Variants in CHAT observed in about 807,000 individuals in gnomAD.
CHAT encodes choline O-acetyltransferase.
A neutral mutation model predicts 76.9 loss-of-function variants in CHAT; 61 were observed. The observed-to-expected ratio is 0.79, with a 90% CI of 0.65 to 0.98. CHAT has a LOEUF of 0.98. Ranked by LOEUF, CHAT falls within the 50% of genes least tolerant of loss-of-function variation. The probability of loss-of-function intolerance (pLI) is 0.00; values close to 1 mark genes in which losing one functional copy is unlikely to be tolerated. For missense variants in CHAT, 946 were observed against 986.9 expected (o/e 0.96, Z 0.56); for synonymous variants, 407 against 397.4 (o/e 1.02, Z -0.29).
intron 13 of CHAT, among the ~76,000 whole-genome samples, chr10:49,657,397 T>C (rs1237546940): frequency 6.6e-6 from 1 of 152,158 alleles, no homozygotes; most frequent in Non-Finnish European, 1.5e-5. Flanking sequence ...CCATTAAGTT[T>C]CAACACATGA....
intron 14 of CHAT, 84 bp from the exon 15 acceptor site, chr10:49,664,693 G>A: frequency 5.2e-6 from 8 of 1,542,686 alleles, no homozygotes; most frequent in Middle Eastern, 1.7e-4. Flanking sequence ...AAACCCCCAG[G>A]TGGAAAACAG....
chr10:49,648,598 T>C lies in CHAT; in HGVS notation c.1373T>C (p.Leu458Pro). The change falls in exon 9 of 15, where the codon CTC (leucine) becomes CCC (proline). Residue 458 changes from leucine to proline, a missense_variant. Around this residue, in one of 3 missense-constraint regions of CHAT, gnomAD observed 349 missense variants for 393.9 expected, o/e 0.89. Transcript: ENST00000337653. ...CTGGTGCAGTGCACTGAGCATCTGC[T>C]CAAGCACGTGTGAGTCTGGATCCCA... ...IVLVQCTEHL[L>P]KHVTQSSRKL... 6.2e-7 allele frequency: 1 copy of C among 1,611,710 alleles called. No individual in the cohort carries two copies. Among genetic ancestry groups the C allele is most frequent in the Non-Finnish European group, 8.5e-7 (1 of 1,178,188 alleles).
chr10:49,654,619 G>A (rs571843762), intron 11 of CHAT, among the ~76,000 whole-genome samples: 7 of 152,242 alleles, frequency 4.6e-5, no homozygotes, highest in Non-Finnish European at 1.0e-4. Context: ...AGCTGCCCCT[G>A]GAAGGGAGGG....
chr10:49,664,356 C>G (rs11101202), intron 14 of CHAT, among the ~76,000 whole-genome samples: 62,653 of 152,026 alleles, frequency 0.41, 13,326 homozygotes, highest in East Asian at 0.69. Flanking sequence ...GAAATCGACA[C>G]AGAGGATGGG....
At chr10:49,611,604 C>T (rs763409979), upstream of CHAT, 5 of 1,610,934 alleles carry the variant, frequency 3.1e-6, no homozygotes, top group Middle Eastern at 1.6e-4. Flanking sequence ...TCATGCTAGA[C>T]CCCTACATTG....
At chr10:49,620,192 C>A (rs183313066) in intron 3 of CHAT, among the ~76,000 whole-genome samples, 1 of 151,692 alleles carries the variant, frequency 6.6e-6, no homozygotes, top group African/African-American at 2.4e-5. Context: ...GGACAGAGAT[C>A]GCATTAGGAA....
chr10:49,611,437 G>T (rs1838292731), upstream of CHAT: 4 of 1,597,964 alleles, frequency 2.5e-6, no homozygotes, highest in South Asian at 3.3e-5. Flanking sequence ...GCCCTTCGGG[G>T]GCATCCTCTA....
intron 7 of CHAT, among the ~76,000 whole-genome samples, chr10:49,631,711 G>A (rs1721229690): frequency 6.6e-6 from 1 of 152,218 alleles, no homozygotes; most frequent in Non-Finnish European, 1.5e-5. Context: ...GACTTTAGAG[G>A]TGGTGGGCTC....
At chr10:49,644,445 C>T (rs1266133649) in intron 7 of CHAT, among the ~76,000 whole-genome samples, 1 of 152,162 alleles carries the variant, frequency 6.6e-6, no homozygotes, top group Non-Finnish European at 1.5e-5. Context: ...TTCCCCAGGG[C>T]CTGGGCTGGC....
At chr10:49,612,286 G>C, upstream of CHAT, 1 of 1,612,226 alleles carries the variant, frequency 6.2e-7, no homozygotes, top group Non-Finnish European at 8.5e-7. Context: ...CAGCCCGCCT[G>C]GCCCTTTTGA....
At chr10:49,652,784 G>T (rs1165300818) in intron 11 of CHAT, among the ~76,000 whole-genome samples, 1 of 148,128 alleles carries the variant, frequency 6.8e-6, no homozygotes, top group Non-Finnish European at 1.5e-5. Context: ...CACACCCCCA[G>T]CTCTCTCCTG....
At chr10:49,612,049 A>T, upstream of CHAT, 1 of 1,613,774 alleles carries the variant, frequency 6.2e-7, no homozygotes, top group Non-Finnish European at 8.5e-7. Flanking sequence ...GCTCGGGCCC[A>T]TAGTGGCAGG....
intron 14 of CHAT, among the ~76,000 whole-genome samples, chr10:49,663,425 G>A (rs1354066567): frequency 6.6e-6 from 1 of 152,112 alleles, no homozygotes; most frequent in South Asian, 2.1e-4. Flanking sequence ...TGAAGTCTTG[G>A]CTTGGCCAGA....
intron 13 of CHAT, among the ~76,000 whole-genome samples, chr10:49,656,385 A>T (rs1240806024): frequency 6.8e-6 from 1 of 147,120 alleles, no homozygotes; most frequent in African/African-American, 2.5e-5. Context: ...CCCTGTCCTT[A>T]GGGAGGTTAC....
intron 8 of CHAT, chr10:49,648,017 G>C (rs1590608643): frequency 4.8e-6 from 1 of 206,992 alleles, no homozygotes. Flanking sequence ...GGGGACACTG[G>C]GGGCGGGAGG....
At chr10:49,643,976 T>A (rs1005022661) in intron 7 of CHAT, among the ~76,000 whole-genome samples, 2 of 152,206 alleles carry the variant, frequency 1.3e-5, no homozygotes, top group Admixed American at 1.3e-4. Context: ...TGGGGTCATG[T>A]GCTGTGCAGC....
chr10:49,645,456 G>A (rs997088113), intron 7 of CHAT, among the ~76,000 whole-genome samples: 5 of 152,200 alleles, frequency 3.3e-5, no homozygotes, highest in African/African-American at 1.2e-4. Flanking sequence ...CAAGAGGCAG[G>A]CTGTGTACCC....
chr10:49,642,360 C>T (rs1221121667), intron 7 of CHAT, among the ~76,000 whole-genome samples: 1 of 152,212 alleles, frequency 6.6e-6, no homozygotes, highest in Non-Finnish European at 1.5e-5. Flanking sequence ...ATTTGCAAGG[C>T]CACCTGGCTC....
At chr10:49,651,188 C>A (rs183442892) in intron 10 of CHAT, among the ~76,000 whole-genome samples, 21 of 152,014 alleles carry the variant, frequency 1.4e-4, no homozygotes, top group East Asian at 7.8e-4. Context: ...CGTCTGTCAA[C>A]AGGTAGGTCT....
Sources: allele counts gnomAD v4.1 joint callset (sites outside exome capture counted in the v4.1 genomes callset), GRCh38; gene constraint gnomAD v4.1.1; regional missense constraint gnomAD v4.1.1; transcripts MANE v1.5; gene names NCBI Gene and HGNC (gene_info 2026-07-23, HGNC 2026-07-21).